GADL1: variants seen among roughly 807,000 people sequenced by gnomAD.
GADL1 encodes the protein GAD like acidic amino acid decarboxylase 1.
In GADL1, 71 loss-of-function variants were observed where a neutral mutation model predicts 69.5. The observed-to-expected ratio is 1.02, with a 90% CI of 0.84 to 1.25. The LOEUF (loss-of-function observed/expected upper bound fraction) is 1.25. Ranked by LOEUF, GADL1 falls within the 50% of genes most tolerant of loss-of-function variation. The probability of loss-of-function intolerance (pLI) is 0.00; values close to 1 mark genes in which losing one functional copy is unlikely to be tolerated. For missense variants in GADL1, 737 were observed against 631.8 expected (o/e 1.17, Z -1.79); for synonymous variants, 254 against 214.4 (o/e 1.18, Z -1.62).
Position 30,844,445 on chromosome 3 carries a change from C to A in GADL1, c.673G>T (p.Ala225Ser). 3 of 1,612,152 alleles carry A rather than the reference C, an allele frequency of 1.9e-6. No homozygotes were observed. The highest frequency in any genetic ancestry group is 2.5e-6 in the Non-Finnish European group (3 of 1,178,250). Residue 225 changes from alanine (A) to serine (S), a missense_variant, in exon 7 of 15, where the codon GCA (alanine) becomes TCA (serine). Ala to Ser is a moderately conservative substitution (Grantham distance 99). Coordinates refer to ENST00000282538, the MANE Select transcript of GADL1 (RefSeq NM_207359.3). The stretch of plus-strand genomic sequence containing the variant: ...GTGCCAATCCCAAGAAAAGAGGCTG[C>A]CTTCTTCATAGAGTAATGACACTGA... ...SAECHYSMKK[A>S]ASFLGIGTEN...
intron 1 of GADL1, among the ~76,000 whole-genome samples, chr3:30,893,091 A>G (rs1436205371): frequency 6.6e-6 from 1 of 152,160 alleles, no homozygotes; most frequent in African/African-American, 2.4e-5. Flanking sequence ...CCTGACCTCA[A>G]GCGATCTGCC....
chr3:30,747,855 A>G (rs1018381119), intron 14 of GADL1, among the ~76,000 whole-genome samples: 1 of 152,164 alleles, frequency 6.6e-6, no homozygotes, highest in African/African-American at 2.4e-5. Context: ...TGCCTTTGCC[A>G]GAGAGTTAAA....
intron 12 of GADL1, among the ~76,000 whole-genome samples, chr3:30,788,627 G>A (rs1696849996): frequency 6.6e-6 from 1 of 152,186 alleles, no homozygotes; most frequent in Non-Finnish European, 1.5e-5. Context: ...AGGCAATGCT[G>A]TTTGAAAGCA....
chr3:30,756,995 C>CTT (rs556890572), intron 14 of GADL1, among the ~76,000 whole-genome samples: 76 of 152,200 alleles, frequency 5.0e-4, no homozygotes, highest in African/African-American at 1.8e-3. Flanking sequence ...ATGTGTGGGT[C>CTT]TTGAGAATCA....
chr3:30,867,556 T>C (rs1698422535), intron 1 of GADL1, among the ~76,000 whole-genome samples: 2 of 151,634 alleles, frequency 1.3e-5, no homozygotes, highest in Admixed American at 6.6e-5. Context: ...CGTTACTCAG[T>C]TTTTCAGATG....
rs1559371049 is a variant in GADL1, at chr3:30,894,601, GA to G, written c.13del (p.Ser5ArgfsTer16). The G allele has an allele frequency of 6.4e-7, 1 of 1,551,002 alleles. No homozygotes were observed. The highest frequency in any genetic ancestry group is 2.4e-5 in the East Asian group (1 of 40,864). On this transcript the variant is annotated frameshift_variant, in exon 1 of 15. Transcript: ENST00000282538. LOFTEE classifies it high-confidence loss of function. MSSD[S>X]DRQCPVDGDI... The stretch of plus-strand genomic sequence containing the variant: ...ACCGTCCACAGGACACTGGCGGTCC[GA>G]GTCGCTGCTCATCTCCGCTCCCCCA...
chr3:30,859,519 A>G (rs1394856566), intron 2 of GADL1, among the ~76,000 whole-genome samples: 1 of 151,784 alleles, frequency 6.6e-6, no homozygotes, highest in East Asian at 1.9e-4. Flanking sequence ...AAAGGGGAGG[A>G]TTGATTAGAG....
intron 14 of GADL1, among the ~76,000 whole-genome samples, chr3:30,756,945 T>TGG (rs201142386): frequency 2.0e-5 from 3 of 152,116 alleles, no homozygotes; most frequent in South Asian, 4.2e-4. Flanking sequence ...CCAGAGTCCA[T>TGG]GGGGGGGACA....
At chr3:30,774,411 T>C (rs1169402987) in intron 14 of GADL1, among the ~76,000 whole-genome samples, 1 of 152,206 alleles carries the variant, frequency 6.6e-6, no homozygotes, top group Non-Finnish European at 1.5e-5. Context: ...TCTACTACCA[T>C]GTAAAGCAAG....
intron 14 of GADL1, among the ~76,000 whole-genome samples, chr3:30,734,027 C>G (rs1695505741): frequency 6.6e-6 from 1 of 152,138 alleles, no homozygotes; most frequent in Non-Finnish European, 1.5e-5. Context: ...GAAAAGCCAA[C>G]CTAGAGAGTC....
At chr3:30,834,804 G>T (rs1453086821) in intron 9 of GADL1, among the ~76,000 whole-genome samples, 1 of 152,088 alleles carries the variant, frequency 6.6e-6, no homozygotes, top group African/African-American at 2.4e-5. Context: ...ACAAATGAGA[G>T]AGAGGGCAAG....
At chr3:30,778,325 G>T in intron 13 of GADL1, 57 bp from the exon 14 acceptor site, 1 of 1,110,830 alleles carries the variant, frequency 9.0e-7, no homozygotes, top group Non-Finnish European at 1.3e-6. Flanking sequence ...AGAATGCAAT[G>T]AAATACTTTT....
intron 12 of GADL1, among the ~76,000 whole-genome samples, chr3:30,786,778 GTTTT>G (rs1302717407): frequency 6.6e-6 from 1 of 152,162 alleles, no homozygotes; most frequent in Non-Finnish European, 1.5e-5. Context: ...GGAGGAAAGA[GTTTT>G]TTGTTTTGTT....
chr3:30,730,116 GAA>G (rs1031185078), intron 14 of GADL1, among the ~76,000 whole-genome samples: 11 of 152,144 alleles, frequency 7.2e-5, no homozygotes, highest in African/African-American at 2.7e-4. Context: ...GCATTCACTT[GAA>G]AAGAGTGGCA....
chr3:30,877,547 C>T (rs1351449134), intron 1 of GADL1, among the ~76,000 whole-genome samples: 3 of 151,814 alleles, frequency 2.0e-5, no homozygotes, highest in Non-Finnish European at 4.4e-5. Context: ...GATGAAAATG[C>T]ATATGAAGGA....
At chr3:30,733,616 C>CCTTCCTTT (rs1553634192) in intron 14 of GADL1, among the ~76,000 whole-genome samples, 4 of 150,894 alleles carry the variant, frequency 2.7e-5, no homozygotes, top group Non-Finnish European at 5.9e-5. Context: ...TTCCTTCCTT[C>CCTTCCTTT]CTTCCTTCCT....
At chr3:30,768,319 T>C (rs1047562014) in intron 14 of GADL1, among the ~76,000 whole-genome samples, 1 of 152,100 alleles carries the variant, frequency 6.6e-6, no homozygotes. Flanking sequence ...TTGAGAATGG[T>C]TTTATAAATT....
intron 1 of GADL1, among the ~76,000 whole-genome samples, chr3:30,890,994 A>C (rs897083737): frequency 5.3e-5 from 8 of 152,026 alleles, no homozygotes; most frequent in African/African-American, 1.9e-4. Flanking sequence ...CAGAGACCCA[A>C]TCTGAACAGG....
At chr3:30,755,460 T>C (rs1284115593) in intron 14 of GADL1, among the ~76,000 whole-genome samples, 1 of 152,184 alleles carries the variant, frequency 6.6e-6, no homozygotes, top group Non-Finnish European at 1.5e-5. Flanking sequence ...TATTCACACA[T>C]CTAAAAATAT....
Sources: gnomAD v4.1 joint callset for allele counts (sites outside exome capture counted in the v4.1 genomes callset) on GRCh38, gnomAD v4.1.1 for gene constraint, MANE v1.5 for transcripts, NCBI Gene and HGNC (gene_info 2026-07-23, HGNC 2026-07-21) for gene names.